Variants in CDH11 observed in about 807,000 individuals in gnomAD.
CDH11 encodes cadherin-11.
A neutral mutation model predicts 67.8 loss-of-function variants in CDH11; 11 were observed. The observed-to-expected ratio is 0.16, with a 90% CI of 0.10 to 0.27. CDH11 has a LOEUF of 0.27. Ranked by LOEUF, CDH11 falls within the 10% of genes least tolerant of loss-of-function variation. CDH11 has a pLI of 1.00. For synonymous variants in CDH11, 419 were observed against 400.0 expected (o/e 1.05, Z -0.57); for missense variants, 847 against 1,031.2 (o/e 0.82, Z 2.45).
chr16:65,044,288 C>A (rs543282197), intron 2 of CDH11, among the ~76,000 whole-genome samples: 7 of 152,104 alleles, frequency 4.6e-5, no homozygotes, highest in Non-Finnish European at 1.0e-4. Flanking sequence ...ATGTGGTAAC[C>A]CAGCAACATC....
At chr16:65,016,887 G>T (rs2073321632) in intron 2 of CDH11, among the ~76,000 whole-genome samples, 1 of 152,166 alleles carries the variant, frequency 6.6e-6, no homozygotes, top group South Asian at 2.1e-4. Context: ...TTCCAGGAAA[G>T]GGCTAAGGAG....
intron 2 of CDH11, among the ~76,000 whole-genome samples, chr16:65,029,888 T>C (rs1286476281): frequency 6.6e-6 from 1 of 152,182 alleles, no homozygotes; most frequent in Non-Finnish European, 1.5e-5. Context: ...ACATATCAAA[T>C]TGCCTATGTC....
In CDH11 at chr16:64,947,159, T is replaced by A; in HGVS notation, c.*444A>T. On this transcript the variant is annotated 3_prime_UTR_variant, in exon 13 of 13. Transcript: ENST00000268603. Reference sequence around the variant, plus strand: ...CTGGCTGAATATTATATATTTCAAGTTTAAAAATGCACTACATATAGAGTG... The same window carrying A: ...CTGGCTGAATATTATATATTTCAAGATTAAAAATGCACTACATATAGAGTG... 3 of 1,047,612 alleles carry A rather than the reference T, an allele frequency of 2.9e-6. No individual in the cohort carries two copies. The highest frequency in any genetic ancestry group is 4.3e-5 in the South Asian group (1 of 23,126). The allele number at this position is 1,047,612 out of a possible 1,614,324, so 64.9% of individuals were successfully genotyped here. A position where few individuals can be genotyped will look rare whatever the true frequency, so the allele number is the denominator to read the frequency against.
At chr16:65,076,432 C>T (rs931204815) in intron 1 of CDH11, among the ~76,000 whole-genome samples, 11 of 152,168 alleles carry the variant, frequency 7.2e-5, no homozygotes, top group African/African-American at 2.4e-4. Context: ...CATCAATAAC[C>T]TCATAGATGT....
chr16:64,955,406 C>G (rs1380295160), intron 11 of CDH11, among the ~76,000 whole-genome samples: 1 of 151,822 alleles, frequency 6.6e-6, no homozygotes, highest in East Asian at 1.9e-4. Context: ...GCACTCCAAC[C>G]TGGGAGACAG....
At chr16:65,074,000 A>G (rs2074464521) in intron 1 of CDH11, among the ~76,000 whole-genome samples, 1 of 152,156 alleles carries the variant, frequency 6.6e-6, no homozygotes, top group African/African-American at 2.4e-5. Context: ...AAACTCTTTC[A>G]TTATTCATGG....
At chr16:65,123,524 G>A (rs1238866304), upstream of CDH11, 1 of 152,074 alleles carries the variant, frequency 6.6e-6, no homozygotes, top group East Asian at 2.0e-4. Flanking sequence ...GAACCCCAGT[G>A]CGGGGCTAAG....
intron 2 of CDH11, among the ~76,000 whole-genome samples, chr16:65,052,317 C>T (rs2074069620): frequency 6.6e-6 from 1 of 152,086 alleles, no homozygotes; most frequent in Non-Finnish European, 1.5e-5. Context: ...CAATTACAGT[C>T]CAATGTAGAA....
chr16:64,998,526 C>T (rs772297191), intron 4 of CDH11, 36 bp downstream of exon 4: 8 of 1,597,688 alleles, frequency 5.0e-6, no homozygotes, highest in South Asian at 4.4e-5. Flanking sequence ...AGACACCAGG[C>T]CTGGAAGCAG....
At chr16:65,047,437 C>T (rs1229283063) in intron 2 of CDH11, among the ~76,000 whole-genome samples, 3 of 151,848 alleles carry the variant, frequency 2.0e-5, no homozygotes, top group Non-Finnish European at 4.4e-5. Context: ...CTGCAACCTC[C>T]GCCTGCTGGG....
intron 1 of CDH11, among the ~76,000 whole-genome samples, chr16:65,061,528 G>T (rs2074236082): frequency 6.6e-6 from 1 of 152,046 alleles, no homozygotes; most frequent in South Asian, 2.1e-4. Flanking sequence ...AGTAAAGTAG[G>T]TTATCATTTT....
chr16:64,968,670 G>A (rs745637219), intron 11 of CDH11: 171 of 438,304 alleles, frequency 3.9e-4, no homozygotes, highest in Non-Finnish European at 4.9e-4. Flanking sequence ...TTATGCCGGA[G>A]TTTAGGCAAA....
intron 4 of CDH11, among the ~76,000 whole-genome samples, 154 bp from the exon 5 acceptor site, chr16:64,993,188 G>T (rs2072674361): frequency 1.2e-5 from 1 of 86,822 alleles, no homozygotes; most frequent in Non-Finnish European, 2.6e-5. Context: ...AAAATAACCA[G>T]CCAACCAACC....
chr16:64,969,430 G>A (rs35231), intron 11 of CDH11, among the ~76,000 whole-genome samples: 120,607 of 152,074 alleles, frequency 0.79, 48,384 homozygotes, highest in East Asian at 1. Flanking sequence ...AACACAGATA[G>A]AAGATTGACC....
chr16:64,962,417 C>T (rs1310057685), intron 11 of CDH11, among the ~76,000 whole-genome samples: 5 of 152,076 alleles, frequency 3.3e-5, no homozygotes, highest in South Asian at 2.1e-4. Context: ...TACAGAGAAT[C>T]GAACTTACTA....
At chr16:65,000,192 C>G (rs1210954430) in intron 3 of CDH11, among the ~76,000 whole-genome samples, 1 of 152,172 alleles carries the variant, frequency 6.6e-6, no homozygotes, top group Non-Finnish European at 1.5e-5. Flanking sequence ...CTCTTAACTA[C>G]CAATCATCTT....
chr16:65,010,429 T>C lies in CDH11; in HGVS notation c.-172-5388A>G, dbSNP rs148774222. ...CCATGTCTGTGGAAATCACAGAGAATAGGGGAGAAGAAGTATTACAAGAAT... is the reference window on the plus strand; with the variant it reads ...CCATGTCTGTGGAAATCACAGAGAACAGGGGAGAAGAAGTATTACAAGAAT... On this transcript the variant is annotated intron_variant, in intron 2 of 12. Coordinates refer to ENST00000268603, the MANE Select transcript of CDH11 (RefSeq NM_001797.4). 2.1e-3 allele frequency among the ~76,000 whole-genome samples: 326 copies of C among 152,252 alleles called. 1 individual carries two copies. The highest frequency in any genetic ancestry group is 7.5e-3 in the African/African-American group (312 of 41,536).
chr16:65,044,900 G>A lies in CDH11; in HGVS notation c.-173+8904C>T, dbSNP rs140340283. Among the ~76,000 whole-genome samples the A allele has an allele frequency of 3.2e-3, 485 of 152,112 alleles. 6 individuals are homozygous for A. Among genetic ancestry groups the A allele is most frequent in the Admixed American group, 0.027 (411 of 15,260 alleles). Reference sequence around the variant, plus strand: ...TTTGGATTTAGAGAAATAATGCTGCGGCTCAGTGGAGAAGGACTGGGGAAG... The same window carrying A: ...TTTGGATTTAGAGAAATAATGCTGCAGCTCAGTGGAGAAGGACTGGGGAAG... On this transcript the variant is annotated intron_variant, in intron 2 of 12. Transcript: ENST00000268603.
chr16:64,951,097 AG>A, intron 11 of CDH11, 79 bp from the exon 12 acceptor site: 1 of 1,399,716 alleles, frequency 7.1e-7, no homozygotes, highest in Non-Finnish European at 9.8e-7. Context: ...GGCAGATTTG[AG>A]GGCACTCTCT....
Sources: allele counts gnomAD v4.1 joint callset (sites outside exome capture counted in the v4.1 genomes callset), GRCh38; gene constraint gnomAD v4.1.1; transcripts MANE v1.5; gene names NCBI Gene and HGNC (gene_info 2026-07-23, HGNC 2026-07-21).